PCDH9: variants seen among roughly 807,000 people sequenced by gnomAD.
PCDH9 encodes protocadherin-9.
In PCDH9, 24 loss-of-function variants were observed where a neutral mutation model predicts 70.6. The ratio of observed to expected loss-of-function variants is 0.34; its 90% CI spans 0.25 to 0.48. The LOEUF is 0.48. Ranked by LOEUF, PCDH9 falls within the 20% of genes least tolerant of loss-of-function variation. The probability of loss-of-function intolerance (pLI) is 0.99; values close to 1 mark genes in which losing one functional copy is unlikely to be tolerated. For missense variants in PCDH9, 1,281 were observed against 1,503.6 expected, an observed-to-expected ratio of 0.85 and a Z score of 2.45; for synonymous variants, 562 against 558.5, an observed-to-expected ratio of 1.01 and a Z score of -0.09.
intron 2 of PCDH9, among the ~76,000 whole-genome samples, chr13:66,985,226 C>T (rs1355453413): frequency 6.6e-6 from 1 of 152,034 alleles, no homozygotes; most frequent in Non-Finnish European, 1.5e-5. Flanking sequence ...TATATTCTTT[C>T]TGTCTTCTTT....
chr13:66,655,459 G>C (rs1050230152), intron 3 of PCDH9, among the ~76,000 whole-genome samples: 1 of 151,994 alleles, frequency 6.6e-6, no homozygotes, highest in Admixed American at 6.6e-5. Flanking sequence ...ATTTTGGCTA[G>C]AATATTTTCC....
At chr13:66,731,379 G>A (rs1219140152) in intron 3 of PCDH9, among the ~76,000 whole-genome samples, 1 of 151,964 alleles carries the variant, frequency 6.6e-6, no homozygotes, top group Non-Finnish European at 1.5e-5. Flanking sequence ...GGCTTTCTAT[G>A]GTTACTTTTA....
chr13:66,545,957 T>A (rs999977422), intron 4 of PCDH9, among the ~76,000 whole-genome samples: 1 of 151,708 alleles, frequency 6.6e-6, no homozygotes, highest in Non-Finnish European at 1.5e-5. Flanking sequence ...TGCCTCAGCC[T>A]CCTGAGTAGC....
At chr13:67,189,078 A>C (rs1271787581) in intron 2 of PCDH9, among the ~76,000 whole-genome samples, 1 of 151,974 alleles carries the variant, frequency 6.6e-6, no homozygotes, top group East Asian at 1.9e-4. Context: ...ACTTAGAATA[A>C]TAGTCTCCAA....
At chr13:67,010,543 C>A (rs2084433889) in intron 2 of PCDH9, among the ~76,000 whole-genome samples, 1 of 151,902 alleles carries the variant, frequency 6.6e-6, no homozygotes, top group Admixed American at 6.6e-5. Context: ...CTGATACATG[C>A]CAGCTAACAG....
intron 4 of PCDH9, among the ~76,000 whole-genome samples, chr13:66,539,822 T>C (rs1007484515): frequency 6.6e-6 from 1 of 151,594 alleles, no homozygotes; most frequent in Non-Finnish European, 1.5e-5. Flanking sequence ...ATAATATCCA[T>C]ATTTTATATT....
chr13:66,700,674 C>T (rs778884734), intron 3 of PCDH9, among the ~76,000 whole-genome samples: 33 of 151,852 alleles, frequency 2.2e-4, no homozygotes, highest in African/African-American at 5.3e-4. Flanking sequence ...TAAATCAGGA[C>T]GAGACTTTCA....
intron 2 of PCDH9, among the ~76,000 whole-genome samples, chr13:67,110,044 T>C (rs2086623941): frequency 6.6e-6 from 1 of 152,072 alleles, no homozygotes; most frequent in African/African-American, 2.4e-5. Flanking sequence ...GATAATTTGG[T>C]CGCGGAGGCT....
intron 2 of PCDH9, among the ~76,000 whole-genome samples, chr13:66,930,713 A>G (rs2082792896): frequency 6.6e-6 from 1 of 152,118 alleles, no homozygotes; most frequent in Non-Finnish European, 1.5e-5. Context: ...GCACATATTA[A>G]TGGTAGCTTA....
intron 3 of PCDH9, among the ~76,000 whole-genome samples, chr13:66,737,821 C>T (rs556584866): frequency 6.6e-6 from 1 of 152,282 alleles, no homozygotes; most frequent in South Asian, 2.1e-4. Context: ...GAGACTATAT[C>T]CCACACCTGG....
chr13:66,381,448 A>G (rs1055696101), intron 4 of PCDH9, among the ~76,000 whole-genome samples: 5 of 152,196 alleles, frequency 3.3e-5, no homozygotes, highest in South Asian at 4.1e-4. Flanking sequence ...AAATAATTCA[A>G]AACAATTTTA....
At chr13:67,201,469 T>C (rs1362548164) in intron 2 of PCDH9, 2 of 152,048 alleles carry the variant, frequency 1.3e-5, no homozygotes, top group Non-Finnish European at 2.9e-5. Flanking sequence ...CCCTGTATGT[T>C]ACTTAAATTC....
At chr13:66,673,648 C>T (rs1290210545) in intron 3 of PCDH9, among the ~76,000 whole-genome samples, 1 of 152,140 alleles carries the variant, frequency 6.6e-6, no homozygotes, top group Non-Finnish European at 1.5e-5. Flanking sequence ...TGATTTATGA[C>T]GTGTAGCCTC....
chr13:66,725,690 CATT>C (rs2078996925), intron 3 of PCDH9, among the ~76,000 whole-genome samples: 1 of 152,070 alleles, frequency 6.6e-6, no homozygotes, highest in African/African-American at 2.4e-5. Flanking sequence ...TTGTTTACAT[CATT>C]AACTCACAGT....
At chr13:66,412,170 A>T (rs910497310) in intron 4 of PCDH9, among the ~76,000 whole-genome samples, 1 of 152,160 alleles carries the variant, frequency 6.6e-6, no homozygotes, top group Non-Finnish European at 1.5e-5. Flanking sequence ...TGTAATGCAG[A>T]CTATTGTAAT....
At chr13:66,561,976 C>T (rs1428060338) in intron 4 of PCDH9, among the ~76,000 whole-genome samples, 1 of 152,034 alleles carries the variant, frequency 6.6e-6, no homozygotes, top group Non-Finnish European at 1.5e-5. Context: ...ACGCTCACCA[C>T]AAAGGTCTGC....
intron 4 of PCDH9, among the ~76,000 whole-genome samples, chr13:66,548,903 C>T (rs1961341966): frequency 6.6e-6 from 1 of 151,782 alleles, no homozygotes; most frequent in African/African-American, 2.4e-5. Context: ...TTTATTAAAA[C>T]ATTATATGAT....
At chr13:67,135,317 A>C (rs2087207940) in intron 2 of PCDH9, among the ~76,000 whole-genome samples, 1 of 152,220 alleles carries the variant, frequency 6.6e-6, no homozygotes, top group East Asian at 1.9e-4. Context: ...GAGATGTCAT[A>C]GTCAGTTCAA....
intron 3 of PCDH9, among the ~76,000 whole-genome samples, chr13:66,637,866 A>T (rs1022520964): frequency 6.6e-6 from 1 of 151,720 alleles, no homozygotes; most frequent in East Asian, 1.9e-4. Flanking sequence ...GTGAGCCGAG[A>T]TCATGCCACT....
Sources: allele counts gnomAD v4.1 joint callset (sites outside exome capture counted in the v4.1 genomes callset), GRCh38; gene constraint gnomAD v4.1.1; transcripts MANE v1.5; gene names NCBI Gene and HGNC (gene_info 2026-07-23, HGNC 2026-07-21).